The following CCSER1 variants were observed in gnomAD, a reference collection of about 807,000 sequenced individuals.
CCSER1 encodes the protein coiled-coil serine rich protein 1, also known as serine-rich coiled-coil domain-containing protein 1.
Under a neutral mutation model 82.0 loss-of-function variants are expected in CCSER1, and 41 were observed. The observed-to-expected ratio is 0.50, with a 90% CI of 0.39 to 0.65. CCSER1 has a LOEUF of 0.65. Among genes scored for constraint, CCSER1 ranks in the 30% least tolerant of loss-of-function variants. The pLI is 0.00. For synonymous variants in CCSER1, 414 were observed against 383.9 expected (o/e 1.08, Z -0.92); for missense variants, 1,119 against 1,064.2 (o/e 1.05, Z -0.72).
intron 10 of CCSER1, among the ~76,000 whole-genome samples, chr4:91,425,710 G>A (rs1430504033): frequency 6.6e-6 from 1 of 152,156 alleles, no homozygotes; most frequent in Non-Finnish European, 1.5e-5. Context: ...TCAAAAGTTG[G>A]TTTCCATAGA....
chr4:90,687,199 A>T (rs1175830147), intron 6 of CCSER1, among the ~76,000 whole-genome samples: 2 of 152,214 alleles, frequency 1.3e-5, no homozygotes, highest in South Asian at 2.1e-4. Context: ...AAAGTCACTT[A>T]TGTAAAATTC....
At chr4:91,290,618 C>T (rs1743670876) in intron 10 of CCSER1, among the ~76,000 whole-genome samples, 1 of 151,892 alleles carries the variant, frequency 6.6e-6, no homozygotes, top group African/African-American at 2.4e-5. Flanking sequence ...TTTACTATCC[C>T]ATACCTCTAT....
At chr4:90,868,511 G>A (rs1766028196) in intron 8 of CCSER1, among the ~76,000 whole-genome samples, 1 of 151,932 alleles carries the variant, frequency 6.6e-6, no homozygotes, top group Non-Finnish European at 1.5e-5. Flanking sequence ...TTCCATCCAT[G>A]TTGTTGCACA....
At chr4:91,134,954 G>A (rs1470174815) in intron 10 of CCSER1, among the ~76,000 whole-genome samples, 1 of 151,950 alleles carries the variant, frequency 6.6e-6, no homozygotes, top group African/African-American at 2.4e-5. Flanking sequence ...CAGCTACTCG[G>A]GAGGCTGAGG....
chr4:90,239,437 A>C (rs1746427817), intron 1 of CCSER1, among the ~76,000 whole-genome samples: 1 of 152,224 alleles, frequency 6.6e-6, no homozygotes. Flanking sequence ...GCTAATATTC[A>C]AAATAACTCA....
At chr4:91,319,127 AT>A (rs1211024964) in intron 10 of CCSER1, 1 of 253,098 alleles carries the variant, frequency 4.0e-6, no homozygotes, top group Non-Finnish European at 8.1e-6. Context: ...CTTCTGGATA[AT>A]TTTTTCTAAA....
chr4:90,352,257 G>C (rs1466047594), intron 3 of CCSER1, among the ~76,000 whole-genome samples: 1 of 151,964 alleles, frequency 6.6e-6, no homozygotes, highest in Non-Finnish European at 1.5e-5. Flanking sequence ...CCGGGAGGCC[G>C]AGCTTGCAAT....
Position 91,598,801 on chromosome 4 carries a change from A to T in CCSER1, c.2447A>T (p.Asp816Val). The T allele has an allele frequency of 6.4e-7, 1 of 1,551,662 alleles. No homozygotes were observed. Among genetic ancestry groups the T allele is most frequent in the Non-Finnish European group, 8.7e-7 (1 of 1,146,940 alleles). Residue 816 changes from aspartate to valine, a missense_variant, in exon 11 of 11, where the codon GAC becomes GTC. Coordinates refer to ENST00000509176, the MANE Select transcript of CCSER1 (RefSeq NM_001145065.2). ...SRGTYETLTSDVTQNLRATVG... is the reference protein window; with the variant it reads ...SRGTYETLTSVVTQNLRATVG... The stretch of plus-strand genomic sequence containing the variant: ...GGAACTTATGAAACCCTCACTTCAG[A>T]CGTTACACAGAACTTACGGGCCACC...
chr4:91,086,072 T>A, intron 10 of CCSER1, 78 bp downstream of exon 10: 1 of 845,222 alleles, frequency 1.2e-6, no homozygotes, highest in Admixed American at 2.3e-5. Context: ...TGATGGTGAT[T>A]GACGATAATT....
At chr4:90,146,418 A>G (rs948976573) in intron 1 of CCSER1, among the ~76,000 whole-genome samples, 7 of 152,066 alleles carry the variant, frequency 4.6e-5, no homozygotes, top group Non-Finnish European at 1.0e-4. Context: ...TTTCCTCTTA[A>G]AAATCATCTC....
intron 7 of CCSER1, among the ~76,000 whole-genome samples, chr4:90,764,102 T>G (rs1750825348): frequency 6.6e-6 from 1 of 152,184 alleles, no homozygotes. Context: ...TGTTCTCCTG[T>G]AATGTGTTTC....
chr4:91,110,324 T>C lies in CCSER1; in HGVS notation c.2217+24330T>C, dbSNP rs72888526. On this transcript the variant is annotated intron_variant, in intron 10 of 10. Coordinates refer to ENST00000509176, the MANE Select transcript of CCSER1 (RefSeq NM_001145065.2). ...AAAAAATAAACTTAGTGCTTGCTCC[T>C]TATAGGATTGTTATGAATAGATAAA... 9.2e-3 allele frequency among the ~76,000 whole-genome samples: 1,396 copies of C among 152,130 alleles called. 23 individuals are homozygous for C. Among genetic ancestry groups the C allele is most frequent in the African/African-American group, 0.032 (1,323 of 41,528 alleles).
At chr4:91,364,744 C>T (rs914258715) in intron 10 of CCSER1, among the ~76,000 whole-genome samples, 10 of 151,974 alleles carry the variant, frequency 6.6e-5, no homozygotes, top group Non-Finnish European at 1.2e-4. Context: ...TAATTATTTT[C>T]TATTATTCAT....
intron 10 of CCSER1, among the ~76,000 whole-genome samples, chr4:91,257,236 AT>A (rs1303523735): frequency 2.0e-5 from 3 of 152,140 alleles, no homozygotes; most frequent in Non-Finnish European, 2.9e-5. Flanking sequence ...ATTGGCTTTT[AT>A]TTTATTCTAA....
intron 6 of CCSER1, among the ~76,000 whole-genome samples, chr4:90,662,756 T>C (rs1024584249): frequency 1.3e-5 from 2 of 152,214 alleles, no homozygotes; most frequent in African/African-American, 2.4e-5. Context: ...CTAGTGATCC[T>C]AGTAAGTTTT....
chr4:91,243,390 G>A (rs1350431085), intron 10 of CCSER1, among the ~76,000 whole-genome samples: 2 of 152,172 alleles, frequency 1.3e-5, no homozygotes, highest in Admixed American at 1.3e-4. Flanking sequence ...ATTAGAGCCA[G>A]TGGACTGGGG....
chr4:91,452,816 A>G (rs1397905571), intron 10 of CCSER1, among the ~76,000 whole-genome samples: 1 of 151,954 alleles, frequency 6.6e-6, no homozygotes, highest in East Asian at 1.9e-4. Flanking sequence ...GAGCATTCCT[A>G]ATAAGATTTT....
At chr4:91,376,660 A>C (rs978333585) in intron 10 of CCSER1, among the ~76,000 whole-genome samples, 1 of 152,178 alleles carries the variant, frequency 6.6e-6, no homozygotes, top group Non-Finnish European at 1.5e-5. Context: ...TAAGAGATGA[A>C]GTTTTTCCAT....
intron 7 of CCSER1, among the ~76,000 whole-genome samples, chr4:90,779,740 A>G (rs1753492999): frequency 6.6e-6 from 1 of 152,206 alleles, no homozygotes. Flanking sequence ...CGGCTTAGAC[A>G]TGTGACCCAA....
Sources: allele counts gnomAD v4.1 joint callset (sites outside exome capture counted in the v4.1 genomes callset), GRCh38; gene constraint gnomAD v4.1.1; transcripts MANE v1.5; gene names NCBI Gene and HGNC (gene_info 2026-07-23, HGNC 2026-07-21).